The following USP28 variants were observed in gnomAD, a reference collection of about 807,000 sequenced individuals.
USP28 encodes ubiquitin carboxyl-terminal hydrolase 28.
In USP28, 113 loss-of-function variants were observed where a neutral mutation model predicts 145.0. The ratio of observed to expected loss-of-function variants is 0.78; its 90% confidence interval spans 0.67 to 0.91. USP28 has a LOEUF of 0.91. Among genes scored for constraint, USP28 ranks in the 40% least tolerant of loss-of-function variants. The pLI is 0.00. For missense variants in USP28, 1,201 were observed against 1,289.6 expected (o/e 0.93, Z 1.05); for synonymous variants, 447 against 450.9 (o/e 0.99, Z 0.11).
At chr11:113,805,180 A>T (rs1939729377) in intron 19 of USP28, 134 bp from the exon 21 acceptor site, 3 of 812,398 alleles carry the variant, frequency 3.7e-6, no homozygotes, top group Non-Finnish European at 5.5e-6. Context: ...TTACAAAAAC[A>T]ACTATGGAAT....
At chr11:113,798,753 T>C (rs1938399495) in exon 25 of USP28, 1 of 152,554 alleles carries the variant, frequency 6.6e-6, no homozygotes, top group African/African-American at 2.4e-5. Flanking sequence ...CAGCAACCCA[T>C]TTTGTTATCT....
At chr11:113,849,922 C>T (rs1288855915) in intron 3 of USP28, among the ~76,000 whole-genome samples, 1 of 152,176 alleles carries the variant, frequency 6.6e-6, no homozygotes, top group Non-Finnish European at 1.5e-5. Flanking sequence ...CATGCAAATG[C>T]TTTCAGTGCT....
chr11:113,873,900 T>G (rs987176845), intron 1 of USP28, among the ~76,000 whole-genome samples: 1 of 152,026 alleles, frequency 6.6e-6, no homozygotes, highest in Non-Finnish European at 1.5e-5. Flanking sequence ...CCCAGCACTT[T>G]GGGAGGCCGA....
chr11:113,801,656 G>A, exon 24 of USP28: 3 of 1,581,990 alleles, frequency 1.9e-6, no homozygotes, highest in Non-Finnish European at 2.6e-6. Context: ...TTCAAAAAGA[G>A]AAGCTGCTTT....
intron 3 of USP28, among the ~76,000 whole-genome samples, chr11:113,848,521 C>T (rs903761827): frequency 2.0e-5 from 3 of 152,254 alleles, no homozygotes; most frequent in African/African-American, 7.2e-5. Context: ...CTTCGTGACA[C>T]AGAAGCACAA....
chr11:113,841,687 T>G (rs61760224), exon 4 of USP28: 1 of 1,612,546 alleles, frequency 6.2e-7, no homozygotes, highest in Non-Finnish European at 8.5e-7. Flanking sequence ...TCCATCAGCT[T>G]GAATTTTGGG....
At chr11:113,849,546 TA>T (rs1377567781) in intron 3 of USP28, among the ~76,000 whole-genome samples, 13 of 152,146 alleles carry the variant, frequency 8.5e-5, no homozygotes, top group Non-Finnish European at 5.9e-5. Context: ...CCTGGCCTAT[TA>T]AAGGGATGTC....
intron 13 of USP28, 22 bp downstream of exon 13, chr11:113,817,636 A>T (rs770816040): frequency 4.0e-6 from 5 of 1,258,842 alleles, no homozygotes; most frequent in Non-Finnish European, 5.4e-6. Flanking sequence ...ACATACCATT[A>T]AAAAAAAAAT....
chr11:113,798,965 T>C (rs950174707), exon 25 of USP28: 1 of 232,532 alleles, frequency 4.3e-6, no homozygotes, highest in Non-Finnish European at 8.3e-6. Context: ...AGCCTAAGCA[T>C]TGTTGTAGGT....
intron 21 of USP28, 53 bp downstream of exon 22, chr11:113,804,620 T>G: frequency 6.5e-7 from 1 of 1,526,898 alleles, no homozygotes; most frequent in Non-Finnish European, 9.0e-7. Flanking sequence ...TCAGGTACCA[T>G]TTACCTCAGG....
chr11:113,831,306 A>ATAGTTT (rs1292514273), intron 8 of USP28, among the ~76,000 whole-genome samples: 1 of 152,238 alleles, frequency 6.6e-6, no homozygotes, highest in East Asian at 1.9e-4. Flanking sequence ...ACTCTGTTGC[A>ATAGTTT]TAGTTTTACA....
At chr11:113,875,503 G>T in exon 1 of USP28, 2 of 1,173,762 alleles carry the variant, frequency 1.7e-6, no homozygotes, top group South Asian at 3.5e-5. Context: ...CGCAGTCATG[G>T]CCGAGGCGCC....
intron 1 of USP28, among the ~76,000 whole-genome samples, chr11:113,871,379 G>C (rs1450227875): frequency 2.0e-5 from 3 of 152,106 alleles, no homozygotes; most frequent in Middle Eastern, 3.2e-3. Context: ...AGAGAAGAGA[G>C]ACATCATCTA....
chr11:113,816,763 A>T (rs376080976), intron 13 of USP28, among the ~76,000 whole-genome samples: 6 of 151,754 alleles, frequency 4.0e-5, no homozygotes, highest in African/African-American at 1.4e-4. Flanking sequence ...TTTAAAAATT[A>T]AAACTTTACA....
At chr11:113,809,349 T>A in intron 16 of USP28, 95 bp from the exon 17 acceptor site, 1 of 1,236,104 alleles carries the variant, frequency 8.1e-7, no homozygotes, top group Non-Finnish European at 1.1e-6. Flanking sequence ...TTTATCTTAC[T>A]CCTAACTAAA....
At chr11:113,874,891 A>G (rs2137348291) in intron 1 of USP28, 14 of 1,004,918 alleles carry the variant, frequency 1.4e-5, no homozygotes, top group Non-Finnish European at 1.7e-5. Context: ...TAGAGCGATG[A>G]AGGCAATAAT....
At chr11:113,829,881 C>A (rs1943797935) in intron 9 of USP28, among the ~76,000 whole-genome samples, 1 of 148,272 alleles carries the variant, frequency 6.7e-6, no homozygotes, top group Non-Finnish European at 1.5e-5. Context: ...ACTTCCTAAT[C>A]AAGAGTTTTC....
exon 19 of USP28, chr11:113,806,510 C>T (rs149421503): frequency 1.2e-6 from 2 of 1,612,154 alleles, no homozygotes; most frequent in East Asian, 2.2e-5. Context: ...CTGCTTCAGA[C>T]CCATCTCGGT....
At chr11:113,868,982 T>C (rs1948562042) in intron 1 of USP28, among the ~76,000 whole-genome samples, 3 of 150,962 alleles carry the variant, frequency 2.0e-5, no homozygotes, top group Non-Finnish European at 4.4e-5. Context: ...AAATCTCATA[T>C]GAGGCCCTTA....
Sources: gnomAD v4.1 joint callset for allele counts (sites outside exome capture counted in the v4.1 genomes callset) on GRCh38, gnomAD v4.1.1 for gene constraint, MANE v1.5 for transcripts, NCBI Gene and HGNC (gene_info 2026-07-23, HGNC 2026-07-21) for gene names.